SAMSN1: variants seen among roughly 807,000 people sequenced by gnomAD.
SAMSN1 encodes SAM domain-containing protein SAMSN-1.
A neutral mutation model predicts 42.0 loss-of-function variants in SAMSN1; 31 were observed. That is an observed-to-expected ratio of 0.74 (90% CI 0.55 to 1.00). The LOEUF (loss-of-function observed/expected upper bound fraction) is 1.00. Among genes scored for constraint, SAMSN1 ranks in the 50% least tolerant of loss-of-function variants. The pLI is 0.00. For missense variants in SAMSN1, 464 were observed against 439.4 expected, an observed-to-expected ratio of 1.06 and a Z score of -0.50; for synonymous variants, 178 against 151.9, an observed-to-expected ratio of 1.17 and a Z score of -1.26.
chr21:14,582,524 A>G (rs147652215), intron 1 of SAMSN1: 2 of 750,566 alleles, frequency 2.7e-6, no homozygotes, highest in Non-Finnish European at 4.4e-6. Flanking sequence ...AACTATGATT[A>G]TAATTCTTCA....
intron 2 of SAMSN1, among the ~76,000 whole-genome samples, chr21:14,638,641 G>A (rs916343021): frequency 6.6e-6 from 1 of 152,180 alleles, no homozygotes; most frequent in African/African-American, 2.4e-5. Context: ...CCCTACTGTA[G>A]AGTGAAAATC....
At chr21:14,502,981 T>C (rs1003108283) in intron 5 of SAMSN1, among the ~76,000 whole-genome samples, 6 of 152,336 alleles carry the variant, frequency 3.9e-5, no homozygotes, top group East Asian at 1.9e-4. Flanking sequence ...CACTTTGTGA[T>C]ACTAGAAAGG....
chr21:14,605,935 A>G (rs545959548), intron 5 of SAMSN1, among the ~76,000 whole-genome samples: 89 of 151,816 alleles, frequency 5.9e-4, no homozygotes, highest in East Asian at 2.1e-3. Context: ...TCCGCCTCCC[A>G]GGTTCACGCC....
intron 5 of SAMSN1, 110 bp from the exon 6 acceptor site, chr21:14,500,845 A>C (rs949351359): frequency 1.2e-6 from 1 of 830,210 alleles, no homozygotes; most frequent in African/African-American, 1.7e-5. Context: ...AGGGGTTCAG[A>C]TATAACAGAA....
intron 2 of SAMSN1, among the ~76,000 whole-genome samples, chr21:14,622,323 C>T (rs898321051): frequency 9.9e-5 from 15 of 152,130 alleles, no homozygotes; most frequent in Middle Eastern, 3.2e-3. Flanking sequence ...CAAACTTCTC[C>T]GAGCTAAAGG....
At chr21:14,545,254 C>T (rs17003525) in intron 1 of SAMSN1, among the ~76,000 whole-genome samples, 2,144 of 152,124 alleles carry the variant, frequency 0.014, 18 homozygotes, top group South Asian at 0.027. Context: ...TTCAATGTCT[C>T]ATCAATTCAA....
At chr21:14,505,991 A>T (rs1828043587) in intron 5 of SAMSN1, among the ~76,000 whole-genome samples, 1 of 152,106 alleles carries the variant, frequency 6.6e-6, no homozygotes, top group South Asian at 2.1e-4. Context: ...GAAAAATGAA[A>T]TCAAGATGGA....
At chr21:14,534,594 C>A (rs568700669) in intron 1 of SAMSN1, among the ~76,000 whole-genome samples, 82 of 151,886 alleles carry the variant, frequency 5.4e-4, no homozygotes, top group Admixed American at 1.1e-3. Flanking sequence ...CGGCTCACTG[C>A]AAGCTCCGCC....
rs141966576 is a variant in SAMSN1, at chr21:14,500,742, G to A, written c.562-7C>T. ...TGTCTATGATGTCTCCTTTCTAAGG[G>A]CAAAGAAATCCATACACATTAGATT... On this transcript the variant is annotated splice_polypyrimidine_tract_variant and splice_region_variant and intron_variant, in intron 5 of 7. Coordinates refer to ENST00000400566, the MANE Select transcript of SAMSN1 (RefSeq NM_022136.5). 67 of 1,601,544 alleles carry A rather than the reference G, an allele frequency of 4.2e-5. No individual in the cohort carries two copies. The highest frequency in any genetic ancestry group is 3.9e-4 in the African/African-American group (29 of 74,742).
At chr21:14,611,795 G>A in intron 4 of SAMSN1, among the ~76,000 whole-genome samples, 1 of 152,136 alleles carries the variant, frequency 6.6e-6, no homozygotes, top group Non-Finnish European at 1.5e-5. Context: ...CCATTGTGGG[G>A]TATCACTTTA....
At chr21:14,515,803 A>G (rs1349240223) in intron 3 of SAMSN1, among the ~76,000 whole-genome samples, 1 of 152,228 alleles carries the variant, frequency 6.6e-6, no homozygotes, top group Non-Finnish European at 1.5e-5. Context: ...AACAATAAGA[A>G]GATAAATAAC....
intron 2 of SAMSN1, among the ~76,000 whole-genome samples, chr21:14,564,555 C>T (rs569950693): frequency 1.3e-5 from 2 of 152,302 alleles, no homozygotes; most frequent in East Asian, 3.9e-4. Flanking sequence ...CTGTACCACA[C>T]AGCCAAACCT....
chr21:14,640,826 A>G (rs1006469481), intron 2 of SAMSN1, among the ~76,000 whole-genome samples: 13 of 152,046 alleles, frequency 8.6e-5, no homozygotes, highest in Non-Finnish European at 1.2e-4. Flanking sequence ...ACATACATAC[A>G]TGTTTGTATG....
At chr21:14,601,947 C>A in intron 6 of SAMSN1, 1 of 536,530 alleles carries the variant, frequency 1.9e-6, no homozygotes, top group Non-Finnish European at 3.5e-6. Flanking sequence ...GTATTGTACA[C>A]TATGCCTAAT....
At chr21:14,577,264 A>T (rs1271186363) in intron 2 of SAMSN1, among the ~76,000 whole-genome samples, 1 of 43,348 alleles carries the variant, frequency 2.3e-5, no homozygotes, top group African/African-American at 1.6e-4. Flanking sequence ...ATATATATAT[A>T]TATATATATA....
intron 3 of SAMSN1, among the ~76,000 whole-genome samples, chr21:14,513,446 T>C (rs900099526): frequency 2.0e-5 from 3 of 152,164 alleles, no homozygotes; most frequent in Non-Finnish European, 2.9e-5. Context: ...GGGATTTTCA[T>C]GGTAAACAAG....
At chr21:14,588,750 C>T (rs960897713) in intron 7 of SAMSN1, among the ~76,000 whole-genome samples, 5 of 151,718 alleles carry the variant, frequency 3.3e-5, no homozygotes, top group Non-Finnish European at 5.9e-5. Context: ...CTAAGAGTTT[C>T]GTCTATTCTA....
At chr21:14,535,684 G>C (rs139449091) in intron 1 of SAMSN1, among the ~76,000 whole-genome samples, 47 of 152,284 alleles carry the variant, frequency 3.1e-4, no homozygotes, top group African/African-American at 1.1e-3. Flanking sequence ...ATAAGATGAT[G>C]TTTGGACACA....
intron 1 of SAMSN1, among the ~76,000 whole-genome samples, chr21:14,535,695 C>G (rs1368028702): frequency 6.6e-6 from 1 of 152,088 alleles, no homozygotes; most frequent in Admixed American, 6.5e-5. Context: ...TTTGGACACA[C>G]AGAGAGAGAC....
Sources: allele counts gnomAD v4.1 joint callset (sites outside exome capture counted in the v4.1 genomes callset), GRCh38; gene constraint gnomAD v4.1.1; transcripts MANE v1.5; gene names NCBI Gene and HGNC (gene_info 2026-07-23, HGNC 2026-07-21).